MRTFA: variants seen among roughly 807,000 people sequenced by gnomAD.
MRTFA encodes the protein myocardin-related transcription factor A.
In MRTFA, 20 loss-of-function variants were observed where a neutral mutation model predicts 83.5. The ratio of observed to expected loss-of-function variants is 0.24; its 90% CI spans 0.17 to 0.35. The LOEUF (loss-of-function observed/expected upper bound fraction) is 0.35. MRTFA is among the 10% of genes least tolerant of loss of function. The pLI is 1.00. For synonymous variants in MRTFA, 659 were observed against 541.2 expected (o/e 1.22, Z -3.02); for missense variants, 1,200 against 1,224.7 (o/e 0.98, Z 0.30).
At chr22:40,414,386 T>C (rs1212379743) in intron 14 of MRTFA, among the ~76,000 whole-genome samples, 3 of 152,068 alleles carry the variant, frequency 2.0e-5, no homozygotes, top group Non-Finnish European at 4.4e-5. Context: ...ATTCCAACCC[T>C]AGGTTTATGC....
intron 3 of MRTFA, among the ~76,000 whole-genome samples, chr22:40,487,873 G>C (rs1331766771): frequency 6.6e-6 from 1 of 152,140 alleles, no homozygotes; most frequent in Non-Finnish European, 1.5e-5. Flanking sequence ...AGGAAGCACA[G>C]TAACAATCAG....
chr22:40,463,494 C>T (rs1027171442), intron 3 of MRTFA: 6 of 531,526 alleles, frequency 1.1e-5, no homozygotes, highest in South Asian at 4.8e-5. Flanking sequence ...GAGGAAGTTG[C>T]GAAGGGTCTT....
At chr22:40,564,789 C>T (rs1374729487) in intron 2 of MRTFA, among the ~76,000 whole-genome samples, 1 of 152,108 alleles carries the variant, frequency 6.6e-6, no homozygotes, top group Non-Finnish European at 1.5e-5. Context: ...ATAGGTGAGA[C>T]TACAGGCACA....
At chr22:40,487,580 C>T (rs2054193444) in intron 3 of MRTFA, among the ~76,000 whole-genome samples, 1 of 152,226 alleles carries the variant, frequency 6.6e-6, no homozygotes, top group South Asian at 2.1e-4. Context: ...TAATCTCTGA[C>T]ACCTAATGCC....
At chr22:40,466,010 C>T (rs2053807237) in intron 3 of MRTFA, among the ~76,000 whole-genome samples, 1 of 152,108 alleles carries the variant, frequency 6.6e-6, no homozygotes, top group East Asian at 1.9e-4. Flanking sequence ...GGGCTCCTTA[C>T]TTTGCCTCTC....
At chr22:40,607,684 C>T (rs756402450) in intron 1 of MRTFA, among the ~76,000 whole-genome samples, 8 of 152,218 alleles carry the variant, frequency 5.3e-5, no homozygotes, top group Non-Finnish European at 1.0e-4. Context: ...ACCACCTAGC[C>T]ATCAGTGCAA....
At chr22:40,474,209 C>T (rs566877535) in intron 3 of MRTFA, among the ~76,000 whole-genome samples, 135 of 152,218 alleles carry the variant, frequency 8.9e-4, no homozygotes, top group Non-Finnish European at 1.5e-3. Flanking sequence ...TCACATAAAG[C>T]TTTCAGTCCA....
chr22:40,552,890 C>T (rs547782741), intron 2 of MRTFA, among the ~76,000 whole-genome samples: 2 of 152,296 alleles, frequency 1.3e-5, no homozygotes, highest in South Asian at 2.1e-4. Flanking sequence ...AAGAAGAAGA[C>T]AGGAAACTGT....
chr22:40,628,015 G>C (rs2147446821), intron 1 of MRTFA, among the ~76,000 whole-genome samples: 2 of 152,254 alleles, frequency 1.3e-5, no homozygotes, highest in Middle Eastern at 6.8e-3. Flanking sequence ...CTGTTATCTA[G>C]AAGTTCCTCT....
chr22:40,590,867 C>T (rs549364951), intron 2 of MRTFA, among the ~76,000 whole-genome samples: 1 of 152,130 alleles, frequency 6.6e-6, no homozygotes, highest in East Asian at 1.9e-4. Context: ...GGCACGGTGG[C>T]TCACAGCTGT....
chr22:40,462,350 A>G (rs2053729782), intron 4 of MRTFA, among the ~76,000 whole-genome samples: 1 of 152,234 alleles, frequency 6.6e-6, no homozygotes. Context: ...GAATGAATGA[A>G]TGAATGAGAG....
chr22:40,603,141 T>G (rs913632084), intron 1 of MRTFA, among the ~76,000 whole-genome samples: 7 of 152,222 alleles, frequency 4.6e-5, no homozygotes, highest in Non-Finnish European at 7.3e-5. Context: ...TGACTTTCCC[T>G]CTGGCCGAAG....
intron 1 of MRTFA, among the ~76,000 whole-genome samples, chr22:40,626,003 T>G (rs577026506): frequency 3.9e-5 from 6 of 152,032 alleles, no homozygotes; most frequent in African/African-American, 1.4e-4. Flanking sequence ...CTTTTTTTTT[T>G]GAAAGTGTCT....
intron 1 of MRTFA, among the ~76,000 whole-genome samples, chr22:40,629,738 T>C (rs1047606383): frequency 3.0e-5 from 4 of 133,752 alleles, no homozygotes; most frequent in African/African-American, 8.7e-5. Flanking sequence ...ATCCCGCCAC[T>C]GCACTCCAGC....
chr22:40,554,692 T>G (rs1374341818), intron 2 of MRTFA, among the ~76,000 whole-genome samples: 1 of 152,212 alleles, frequency 6.6e-6, no homozygotes, highest in African/African-American at 2.4e-5. Context: ...GGACAAACTA[T>G]GCCACTGGAG....
At chr22:40,553,476 G>A (rs960724900) in intron 2 of MRTFA, among the ~76,000 whole-genome samples, 1 of 152,174 alleles carries the variant, frequency 6.6e-6, no homozygotes, top group African/African-American at 2.4e-5. Context: ...AATAAAAGGA[G>A]CCAAGGTATA....
At chr22:40,479,132 C>T (rs1011169388) in intron 3 of MRTFA, among the ~76,000 whole-genome samples, 4 of 152,094 alleles carry the variant, frequency 2.6e-5, no homozygotes, top group South Asian at 4.1e-4. Flanking sequence ...GCAAGCTGAG[C>T]GCTTGCACAG....
At chr22:40,470,282 A>AGAGAG (rs2053886396) in intron 3 of MRTFA, among the ~76,000 whole-genome samples, 2 of 79,148 alleles carry the variant, frequency 2.5e-5, no homozygotes, top group South Asian at 9.5e-4. Context: ...TATATATATA[A>AGAGAG]AGAAACATAA....
chr22:40,626,330 C>G (rs1028451798), intron 1 of MRTFA, among the ~76,000 whole-genome samples: 5 of 152,136 alleles, frequency 3.3e-5, no homozygotes, highest in African/African-American at 1.2e-4. Context: ...CTCTGTCACC[C>G]AGGCTGGAGT....
Sources: gnomAD v4.1 joint callset for allele counts (sites outside exome capture counted in the v4.1 genomes callset) on GRCh38, gnomAD v4.1.1 for gene constraint, MANE v1.5 for transcripts, NCBI Gene and HGNC (gene_info 2026-07-23, HGNC 2026-07-21) for gene names.